Variants in CUX1 observed in about 807,000 individuals in gnomAD.
CUX1 encodes cut like homeobox 1.
A neutral mutation model predicts 158.8 loss-of-function variants in CUX1; 31 were observed. The ratio of observed to expected loss-of-function variants is 0.20; its 90% CI spans 0.15 to 0.26. The LOEUF is 0.26. Among genes scored for constraint, CUX1 ranks in the 10% least tolerant of loss-of-function variants. The probability of loss-of-function intolerance (pLI) is 1.00; values close to 1 mark genes in which losing one functional copy is unlikely to be tolerated. For synonymous variants in CUX1, 879 were observed against 862.1 expected (o/e 1.02, Z -0.34); for missense variants, 1,589 against 2,014.6 (o/e 0.79, Z 4.04).
At chr7:102,074,225 A>T (rs950797990) in intron 4 of CUX1, among the ~76,000 whole-genome samples, 22 of 152,244 alleles carry the variant, frequency 1.4e-4, no homozygotes, top group Non-Finnish European at 2.9e-4. Context: ...AGTAGGGTGC[A>T]GTAAGTTCTG....
At chr7:101,979,874 G>A (rs1813201837) in intron 2 of CUX1, among the ~76,000 whole-genome samples, 1 of 152,194 alleles carries the variant, frequency 6.6e-6, no homozygotes, top group African/African-American at 2.4e-5. Context: ...GGCTGGTCAC[G>A]AACTCCTGAC....
chr7:101,836,176 T>C (rs761137050), intron 1 of CUX1, among the ~76,000 whole-genome samples: 2 of 152,216 alleles, frequency 1.3e-5, no homozygotes, highest in African/African-American at 2.4e-5. Context: ...TTTTGGCCTC[T>C]TATGTGTAAG....
At chr7:101,996,288 G>GT (rs1384922920) in intron 2 of CUX1, among the ~76,000 whole-genome samples, 3 of 152,110 alleles carry the variant, frequency 2.0e-5, no homozygotes, top group Non-Finnish European at 4.4e-5. Context: ...TGCTCTAGGT[G>GT]TGTACTGGTC....
At chr7:101,987,855 A>G (rs1814533995) in intron 2 of CUX1, among the ~76,000 whole-genome samples, 1 of 152,236 alleles carries the variant, frequency 6.6e-6, no homozygotes, top group Admixed American at 6.5e-5. Context: ...CCTAGAAGAA[A>G]GTCTAAACGA....
rs1324860103 is a variant in CUX1 at position 102,252,100 on chromosome 7, AT to A, written c.*3066del. 1.3e-4 allele frequency: 130 copies of A among 984,256 alleles called. No homozygotes were observed. The highest frequency in any genetic ancestry group is 5.2e-4 in the Middle Eastern group (1 of 1,912). 61.0% of individuals were successfully genotyped at this position (984,256 alleles called of 1,614,324 possible). On this transcript the variant is annotated 3_prime_UTR_variant, in exon 24 of 24. Coordinates refer to ENST00000292535, the MANE Select transcript of CUX1 (RefSeq NM_181552.4). ...TTAAATTTTGCTTGCAGTTCTGTGTATTTTTTTTCCTCTATTATTTATTTTT... is the reference window on the plus strand; with the variant it reads ...TTAAATTTTGCTTGCAGTTCTGTGTATTTTTTTCCTCTATTATTTATTTTT...
chr7:102,259,160 A>C (rs1205460164), downstream of CUX1, among the ~76,000 whole-genome samples: 1 of 152,210 alleles, frequency 6.6e-6, no homozygotes, highest in Non-Finnish European at 1.5e-5. Flanking sequence ...GAGAACCCAG[A>C]GTATGGGATG....
At chr7:102,014,867 A>G (rs1195347163) in intron 2 of CUX1, among the ~76,000 whole-genome samples, 2 of 151,790 alleles carry the variant, frequency 1.3e-5, no homozygotes, top group Admixed American at 6.6e-5. Context: ...CCAAAAAAAA[A>G]AAAAAAAGAA....
At chr7:101,834,165 C>CT (rs575992276) in intron 1 of CUX1, among the ~76,000 whole-genome samples, 1,252 of 71,070 alleles carry the variant, frequency 0.018, 246 homozygotes, top group African/African-American at 0.046. Context: ...CTGATTGTTT[C>CT]TTTTTTTTTT....
intron 4 of CUX1, among the ~76,000 whole-genome samples, chr7:102,074,927 C>G (rs1421469435): frequency 6.6e-6 from 1 of 152,226 alleles, no homozygotes; most frequent in Non-Finnish European, 1.5e-5. Flanking sequence ...GGTGTGATCT[C>G]CGCACACTGC....
Position 102,081,855 on chromosome 7 carries a change from A to T in CUX1, c.268+11438A>T, listed in dbSNP as rs1585581292. Among the ~76,000 whole-genome samples the T allele has an allele frequency of 1.4e-5, 2 of 145,946 alleles. 1 individual carries two copies. The highest frequency in any genetic ancestry group is 4.9e-5 in the African/African-American group (2 of 40,920). On this transcript the variant is annotated intron_variant, in intron 4 of 23. Coordinates refer to ENST00000292535, the MANE Select transcript of CUX1 (RefSeq NM_181552.4). ...TGGCCAAGCTGATCTCGATCTCCTG[A>T]CCTCGGGTGATGCGTCCGCCTCCGC...
intron 5 of CUX1, 126 bp downstream of exon 5, chr7:102,097,627 G>A (rs1829337760): frequency 1.0e-6 from 1 of 999,852 alleles, no homozygotes; most frequent in Non-Finnish European, 1.4e-6. Context: ...TAAAGTCAGG[G>A]TGGGGCAGGA....
intron 12 of CUX1, 138 bp downstream of exon 12, chr7:102,190,009 C>A: frequency 1.2e-6 from 1 of 859,498 alleles, no homozygotes; most frequent in Non-Finnish European, 1.8e-6. Context: ...AGCCAGAGTT[C>A]TACCACTGCA....
intron 2 of CUX1, among the ~76,000 whole-genome samples, chr7:102,027,678 T>C (rs145267161): frequency 8.5e-5 from 13 of 152,164 alleles, no homozygotes; most frequent in African/African-American, 3.1e-4. Flanking sequence ...CTGGACGACA[T>C]GATGAAACCC....
intron 6 of CUX1, among the ~76,000 whole-genome samples, chr7:102,105,556 A>G (rs1206939808): frequency 1.6e-5 from 2 of 121,378 alleles, no homozygotes; most frequent in African/African-American, 6.5e-5. Context: ...CTCATTGCCC[A>G]GGCTGGAGTG....
intron 8 of CUX1, among the ~76,000 whole-genome samples, chr7:102,132,292 A>AGG (rs1833347812): frequency 5.8e-5 from 6 of 103,346 alleles, no homozygotes; most frequent in Admixed American, 1.1e-4. Flanking sequence ...TGAGAGAGAG[A>AGG]GTGTGTGTGT....
intron 10 of CUX1, among the ~76,000 whole-genome samples, 155 bp from the exon 11 acceptor site, chr7:102,178,314 T>C (rs573931968): frequency 6.6e-5 from 10 of 152,256 alleles, no homozygotes; most frequent in African/African-American, 2.2e-4. Context: ...GAAGGTTGCA[T>C]AGGGGAAGTG....
intron 14 of CUX1, among the ~76,000 whole-genome samples, chr7:102,196,115 G>T (rs532823755): frequency 6.6e-6 from 1 of 152,326 alleles, no homozygotes; most frequent in Non-Finnish European, 1.5e-5. Context: ...TCTGGTTTGG[G>T]CAGCTGGTAA....
intron 2 of CUX1, among the ~76,000 whole-genome samples, chr7:101,956,353 T>C (rs1231329222): frequency 6.6e-6 from 1 of 152,084 alleles, no homozygotes; most frequent in Non-Finnish European, 1.5e-5. Context: ...CAGAGATAGA[T>C]GGGTTATATT....
chr7:102,282,810 CACAGCGAGCTCCCAGCA>C, intron 22 of CUX1: 1 of 1,574,266 alleles, frequency 6.4e-7, no homozygotes, highest in Non-Finnish European at 8.7e-7. Flanking sequence ...CCCTCAGCCC[CACAGCGAGCTCCCAGCA>C]CCCCCGCAAC....
Sources: gnomAD v4.1 joint callset for allele counts (sites outside exome capture counted in the v4.1 genomes callset) on GRCh38, gnomAD v4.1.1 for gene constraint, MANE v1.5 for transcripts, NCBI Gene and HGNC (gene_info 2026-07-23, HGNC 2026-07-21) for gene names.